PLPBP: variants seen among roughly 807,000 people sequenced by gnomAD.
PLPBP encodes the protein pyridoxal phosphate homeostasis protein.
In PLPBP, 21 loss-of-function variants were observed where a neutral mutation model predicts 31.2. That is an observed-to-expected ratio of 0.67 (90% confidence interval 0.48 to 0.97). PLPBP has a LOEUF of 0.97. Among genes scored for constraint, PLPBP ranks in the 50% least tolerant of loss-of-function variants. PLPBP has a pLI of 0.00. For missense variants in PLPBP, 308 were observed against 354.4 expected, an observed-to-expected ratio of 0.87 and a Z score of 1.05; for synonymous variants, 124 against 135.6, an observed-to-expected ratio of 0.91 and a Z score of 0.59.
intron 4 of PLPBP, among the ~76,000 whole-genome samples, chr8:37,768,460 A>ATTTTG (rs1803690161): frequency 2.0e-5 from 2 of 101,140 alleles, no homozygotes; most frequent in Admixed American, 1.0e-4. Context: ...TACAGTTTTG[A>ATTTTG]TTTTCTTTTT....
At chr8:37,765,956 T>G (rs1396594870) in intron 3 of PLPBP, among the ~76,000 whole-genome samples, 3 of 152,152 alleles carry the variant, frequency 2.0e-5, no homozygotes, top group Non-Finnish European at 4.4e-5. Context: ...TTCTCATTGG[T>G]GGCTGTTTGG....
chr8:37,762,808 G>C, intron 1 of PLPBP, 50 bp downstream of exon 1: 1 of 1,524,928 alleles, frequency 6.6e-7, no homozygotes. Context: ...TTGAGAAGAG[G>C]GACACCTGCG....
chr8:37,768,288 G>T (rs1803685642), intron 4 of PLPBP, among the ~76,000 whole-genome samples: 1 of 152,062 alleles, frequency 6.6e-6, no homozygotes, highest in African/African-American at 2.4e-5. Context: ...GTACACTATT[G>T]TAAAGTTCTT....
chr8:37,775,772 A>T, intron 6 of PLPBP, 146 bp from the exon 7 acceptor site: 1 of 931,350 alleles, frequency 1.1e-6, no homozygotes. Context: ...AGTTTGCAAA[A>T]AACCCTTTCA....
At chr8:37,771,555 G>T (rs1803768662) in intron 4 of PLPBP, among the ~76,000 whole-genome samples, 1 of 152,072 alleles carries the variant, frequency 6.6e-6, no homozygotes, top group Non-Finnish European at 1.5e-5. Context: ...CAAAGTGTGG[G>T]GATTACAGGT....
In PLPBP at chr8:37,778,023, G is replaced by A; in HGVS notation, c.747G>A (p.Glu249=). 6.2e-7 allele frequency: 1 copy of A among 1,613,832 alleles called. No homozygotes were observed. The highest frequency in any genetic ancestry group is 8.5e-7 in the Non-Finnish European group (1 of 1,179,754). ...NVRIGSTIFG[E]RDYSKKPTPD... The stretch of plus-strand genomic sequence containing the variant: ...GAATAGGAAGCACGATTTTTGGAGA[G>A]CGGGATTACTCAAAGAAACCCACCC... Residue 249 remains glutamate, a synonymous_variant, in exon 8 of 8, where the codon GAG becomes GAA. Transcript: ENST00000328195.
chr8:37,762,618 C>G, upstream of PLPBP: 2 of 1,541,606 alleles, frequency 1.3e-6, no homozygotes, highest in Non-Finnish European at 1.7e-6. Flanking sequence ...GTGTGAGCCA[C>G]GGGCTGCCGG....
chr8:37,762,805 G>C (rs1015379510), intron 1 of PLPBP, 47 bp downstream of exon 1: 1 of 1,528,384 alleles, frequency 6.5e-7, no homozygotes, highest in Non-Finnish European at 8.8e-7. Flanking sequence ...GCCTTGAGAA[G>C]AGGGACACCT....
intron 4 of PLPBP, among the ~76,000 whole-genome samples, chr8:37,769,598 TATTC>T (rs1289239039): frequency 1.3e-5 from 2 of 151,790 alleles, no homozygotes; most frequent in Non-Finnish European, 2.9e-5. Flanking sequence ...AAATGAAAAA[TATTC>T]ATCCTCAGAG....
chr8:37,775,877 GAGAA>G (rs1413684983), intron 6 of PLPBP, 37 bp from the exon 7 acceptor site: 1 of 1,530,946 alleles, frequency 6.5e-7, no homozygotes, highest in African/African-American at 1.5e-5. Flanking sequence ...GGCATCGTTA[GAGAA>G]GGCAGGAGTA....
rs751349842 is a variant in PLPBP at position 37,775,870 on chromosome 8, A to G, written c.598-48A>G. 2.0e-6 allele frequency: 3 copies of G among 1,501,916 alleles called. No individual in the cohort carries two copies. The African/African-American group carries it at 4.4e-5, about 22-fold the overall frequency. 93.0% of individuals were successfully genotyped at this position (1,501,916 alleles called of 1,614,324 possible). A position where few individuals can be genotyped will look rare whatever the true frequency, so the allele number is the denominator to read the frequency against. ...AGTTCAGATTCAGACACTTTTGGGC[A>G]TCGTTAGAGAAGGCAGGAGTAAAAT... On this transcript the variant is annotated intron_variant, in intron 6 of 7. Transcript: ENST00000328195.
intron 1 of PLPBP, among the ~76,000 whole-genome samples, chr8:37,763,804 AT>A (rs1453935155): frequency 1.3e-5 from 2 of 152,160 alleles, no homozygotes; most frequent in East Asian, 3.9e-4. Flanking sequence ...AAGAGGAGAC[AT>A]TTTTCTAATT....
intron 5 of PLPBP, 98 bp from the exon 6 acceptor site, chr8:37,775,241 G>C (rs1803869035): frequency 1.4e-6 from 2 of 1,402,990 alleles, no homozygotes; most frequent in Admixed American, 1.8e-5. Flanking sequence ...TCTCTTGTTG[G>C]GGGTCACCTC....
At position 37,777,867 on chromosome 8, in the gene PLPBP, C is replaced by G; in HGVS notation, c.697-106C>G. 2.3e-6 allele frequency: 3 copies of G among 1,330,352 alleles called. No individual in the cohort carries two copies. In the South Asian group the frequency reaches 4.0e-5, roughly 18 times the overall value. The allele number at this position is 1,330,352 out of a possible 1,614,324, so 82.4% of individuals were successfully genotyped here. On this transcript the variant is annotated intron_variant, in intron 7 of 7. Coordinates refer to ENST00000328195, the MANE Select transcript of PLPBP (RefSeq NM_007198.4). ...ATTACAGGCGTGAGCCACCACGCCC[C>G]GTCCATAGAAGGCTCTTGAGAGCCA...
At chr8:37,774,536 A>G (rs1316397793) in intron 5 of PLPBP, among the ~76,000 whole-genome samples, 1 of 152,258 alleles carries the variant, frequency 6.6e-6, no homozygotes, top group Non-Finnish European at 1.5e-5. Flanking sequence ...GAATAAATGT[A>G]TACAGATCAG....
upstream of PLPBP, chr8:37,762,610 G>A (rs1319509553): frequency 5.9e-6 from 9 of 1,537,072 alleles, no homozygotes; most frequent in African/African-American, 8.2e-5. Flanking sequence ...GGAAGATGGT[G>A]TGAGCCACGG....
intron 1 of PLPBP, among the ~76,000 whole-genome samples, chr8:37,764,344 C>T (rs1194902625): frequency 6.6e-6 from 1 of 151,904 alleles, no homozygotes; most frequent in Non-Finnish European, 1.5e-5. Context: ...TATTTTGAGA[C>T]GGAGTCTCAC....
chr8:37,762,627 G>T (rs756281756), upstream of PLPBP: 5 of 1,548,824 alleles, frequency 3.2e-6, no homozygotes, highest in African/African-American at 1.4e-5. Flanking sequence ...ACGGGCTGCC[G>T]GGGGCCTGGG....
intron 4 of PLPBP, among the ~76,000 whole-genome samples, chr8:37,771,303 A>AT (rs891196889): frequency 6.6e-5 from 10 of 151,210 alleles, no homozygotes; most frequent in South Asian, 2.1e-4. Context: ...GGCCTGGCTA[A>AT]TTTTTTTTGT....
Sources: gnomAD v4.1 joint callset for allele counts (sites outside exome capture counted in the v4.1 genomes callset) on GRCh38, gnomAD v4.1.1 for gene constraint, MANE v1.5 for transcripts, NCBI Gene and HGNC (gene_info 2026-07-23, HGNC 2026-07-21) for gene names.